Variants in ZC3H12B observed in about 807,000 individuals in gnomAD.
The protein encoded by ZC3H12B is zinc finger CCCH-type containing 12B, also known as probable ribonuclease ZC3H12B.
In ZC3H12B, 7 loss-of-function variants were observed where a neutral mutation model predicts 43.9. That is an observed-to-expected ratio of 0.16 (90% CI 0.09 to 0.30). The LOEUF (loss-of-function observed/expected upper bound fraction) is 0.30. Ranked by LOEUF, ZC3H12B falls within the 10% of genes least tolerant of loss-of-function variation. The pLI, the probability that ZC3H12B is intolerant of heterozygous loss-of-function variation, is 1.00. For missense variants in ZC3H12B, 475 were observed against 670.2 expected, an observed-to-expected ratio of 0.71 and a Z score of 3.22; for synonymous variants, 222 against 241.7, an observed-to-expected ratio of 0.92 and a Z score of 0.76.
At chrX:65,267,196 T>C in the ZC3H12B span, among the ~76,000 whole-genome samples, 2 of 87,877 alleles carry the variant, frequency 2.3e-5, no homozygotes, top group African/African-American at 2.0e-4. Context: ...TTTTTCTTTC[T>C]TTCTTTTTTT....
the ZC3H12B span, among the ~76,000 whole-genome samples, chrX:65,142,901 G>A: frequency 8.5e-3 from 948 of 112,068 alleles, 4 homozygotes; most frequent in Middle Eastern, 0.014. Context: ...GGTGACTATG[G>A]CCATATAGTA....
intron 2 of ZC3H12B, among the ~76,000 whole-genome samples, chrX:65,375,447 G>A (rs1223498906): frequency 8.9e-6 from 1 of 112,339 alleles, no homozygotes; most frequent in Non-Finnish European, 1.9e-5. Flanking sequence ...GTGACCTGCT[G>A]AGACACCAGC....
the ZC3H12B span, among the ~76,000 whole-genome samples, chrX:65,071,667 AT>A: frequency 9.0e-6 from 1 of 111,640 alleles, no homozygotes; most frequent in African/African-American, 3.3e-5. Flanking sequence ...TTCCCTAAGC[AT>A]TTGCTTTTCT....
intron 2 of ZC3H12B, among the ~76,000 whole-genome samples, chrX:65,385,440 GCTGT>G (rs1264962911): frequency 1.8e-5 from 2 of 111,124 alleles, no homozygotes; most frequent in East Asian, 5.6e-4. Flanking sequence ...TCATGATTTG[GCTGT>G]CTGTTTGCCT....
At chrX:65,178,447 A>G in the ZC3H12B span, among the ~76,000 whole-genome samples, 2 of 112,560 alleles carry the variant, frequency 1.8e-5, no homozygotes, top group Non-Finnish European at 3.7e-5. Flanking sequence ...TCTGCACAGC[A>G]AAACAAACTA....
chrX:65,273,480 G>A, the ZC3H12B span, among the ~76,000 whole-genome samples: 1 of 110,870 alleles, frequency 9.0e-6, no homozygotes, highest in Non-Finnish European at 1.9e-5. Flanking sequence ...GCAAATATAT[G>A]CATAATGGAG....
the ZC3H12B span, among the ~76,000 whole-genome samples, chrX:65,149,897 T>C: frequency 1.8e-5 from 2 of 109,756 alleles, no homozygotes; most frequent in South Asian, 7.8e-4. Context: ...ATCTTACTTA[T>C]GAAACCACTT....
intron 2 of ZC3H12B, among the ~76,000 whole-genome samples, chrX:65,386,482 C>T (rs953941625): frequency 3.6e-5 from 4 of 111,786 alleles, no homozygotes; most frequent in African/African-American, 1.3e-4. Flanking sequence ...TCTGTGGTAT[C>T]AGTGGTGATA....
chrX:65,374,108 G>GTTATATATACTCTATATATATA (rs1402334408), intron 2 of ZC3H12B, among the ~76,000 whole-genome samples: 2 of 62,921 alleles, frequency 3.2e-5, no homozygotes, highest in African/African-American at 1.5e-4. Flanking sequence ...ACTATATATA[G>GTTATATATACTCTATATATATA]GTTATATATA....
intron 2 of ZC3H12B, among the ~76,000 whole-genome samples, chrX:65,397,469 G>A (rs180995837): frequency 9.0e-6 from 1 of 111,251 alleles, no homozygotes; most frequent in East Asian, 2.8e-4. Flanking sequence ...TAGTTTGGCT[G>A]GATATGAAAT....
At chrX:65,105,659 A>G in the ZC3H12B span, among the ~76,000 whole-genome samples, 1 of 111,382 alleles carries the variant, frequency 9.0e-6, no homozygotes, top group East Asian at 2.8e-4. Flanking sequence ...CTGGAATCCT[A>G]TGGGGAATTA....
intron 3 of ZC3H12B, among the ~76,000 whole-genome samples, chrX:65,408,991 G>T (rs1052938308): frequency 1.8e-5 from 2 of 112,143 alleles, no homozygotes; most frequent in Non-Finnish European, 3.8e-5. Flanking sequence ...TTGTTAAATG[G>T]GGTGAAATAA....
the ZC3H12B span, among the ~76,000 whole-genome samples, chrX:65,275,229 A>G: frequency 8.9e-6 from 1 of 112,680 alleles, no homozygotes; most frequent in African/African-American, 3.2e-5. Flanking sequence ...CAGGCTGGCT[A>G]TGTAGTCTTG....
exon 1 of ZC3H12B, chrX:65,489,314 A>G: frequency 8.3e-7 from 1 of 1,211,506 alleles, no homozygotes; most frequent in East Asian, 3.0e-5. Flanking sequence ...CCAGCTCCAG[A>G]GAGATTGCAA....
At chrX:65,258,283 G>T in the ZC3H12B span, among the ~76,000 whole-genome samples, 1 of 111,934 alleles carries the variant, frequency 8.9e-6, no homozygotes. Flanking sequence ...CTCAGTAAAT[G>T]ATTCATCACA....
chrX:65,056,271 G>C, the ZC3H12B span, among the ~76,000 whole-genome samples: 1 of 111,390 alleles, frequency 9.0e-6, no homozygotes, highest in African/African-American at 3.3e-5. Context: ...ATGTGTCCCA[G>C]AGATTCTGGT....
At chrX:65,461,623 G>A (rs139746505) in intron 3 of ZC3H12B, among the ~76,000 whole-genome samples, 4 of 111,430 alleles carry the variant, frequency 3.6e-5, no homozygotes, top group Admixed American at 9.6e-5. Flanking sequence ...AACACCAAAT[G>A]TTCTCACTCA....
At chrX:65,212,406 T>TA in the ZC3H12B span, among the ~76,000 whole-genome samples, 1 of 58,432 alleles carries the variant, frequency 1.7e-5, no homozygotes, top group African/African-American at 7.3e-5. Context: ...ATATTTATAT[T>TA]TATATTATAT....
At chrX:65,139,110 C>G in the ZC3H12B span, among the ~76,000 whole-genome samples, 80 of 112,313 alleles carry the variant, frequency 7.1e-4, no homozygotes, top group African/African-American at 2.5e-3. Flanking sequence ...TTTCATTTGT[C>G]TACTTTGTTT....
Sources: allele counts gnomAD v4.1 joint callset (sites outside exome capture counted in the v4.1 genomes callset), GRCh38; gene constraint gnomAD v4.1.1; transcripts MANE v1.5; gene names NCBI Gene and HGNC (gene_info 2026-07-23, HGNC 2026-07-21).